TAB2: variants seen among roughly 807,000 people sequenced by gnomAD.
The protein encoded by TAB2 is TGF-beta activated kinase 1 (MAP3K7) binding protein 2, also known as TGF-beta-activated kinase 1 and MAP3K7-binding protein 2.
Under a neutral mutation model 65.0 loss-of-function variants are expected in TAB2, and 3 were observed. The observed-to-expected ratio is 0.05, with a 90% CI of 0.02 to 0.12. The LOEUF is 0.12. Among genes scored for constraint, TAB2 ranks in the 10% least tolerant of loss-of-function variants. The pLI, the probability that TAB2 is intolerant of heterozygous loss-of-function variation, is 1.00. For synonymous variants in TAB2, 298 were observed against 285.1 expected (o/e 1.05, Z -0.46); for missense variants, 623 against 840.3 (o/e 0.74, Z 3.20).
intron 1 of TAB2, among the ~76,000 whole-genome samples, chr6:149,326,747 C>T (rs2114741923): frequency 6.6e-6 from 1 of 152,200 alleles, no homozygotes; most frequent in African/African-American, 2.4e-5. Flanking sequence ...AGGGTTTCAC[C>T]ATGTTGGCCA....
At chr6:149,328,838 A>G (rs1255829809) in intron 1 of TAB2, among the ~76,000 whole-genome samples, 1 of 152,198 alleles carries the variant, frequency 6.6e-6, no homozygotes, top group Non-Finnish European at 1.5e-5. Flanking sequence ...AGTATCTCCT[A>G]TTCAGTAAGG....
Position 149,235,152 on chromosome 6 carries a change from G to C in TAB2, c.-121+16376G>C, listed in dbSNP as rs189547014. ...ATAAAAGCTAAGGCAAGTTCTGTTT[G>C]CATTCATATAAATACAACATTCAAG... On this transcript the variant is annotated intron_variant, in intron 1 of 1. Transcript: ENST00000606202. Among the ~76,000 whole-genome samples the C allele has an allele frequency of 1.3e-3, 194 of 152,296 alleles. 1 individual carries two copies. Among genetic ancestry groups the C allele is most frequent in the Non-Finnish European group, 7.3e-5 (5 of 68,028 alleles).
At chr6:149,251,682 A>G (rs1046684606) in intron 1 of TAB2, among the ~76,000 whole-genome samples, 1 of 152,202 alleles carries the variant, frequency 6.6e-6, no homozygotes, top group Admixed American at 6.5e-5. Context: ...GTCTCCCCAC[A>G]GGAACCTCTG....
At chr6:149,368,920 A>G (rs1320175236) in intron 1 of TAB2, among the ~76,000 whole-genome samples, 2 of 152,178 alleles carry the variant, frequency 1.3e-5, no homozygotes, top group African/African-American at 4.8e-5. Context: ...CTTATGCTGA[A>G]GACTGTTTAT....
intron 1 of TAB2, among the ~76,000 whole-genome samples, chr6:149,318,322 G>T (rs1262867557): frequency 6.6e-6 from 1 of 151,788 alleles, no homozygotes; most frequent in Non-Finnish European, 1.5e-5. Flanking sequence ...GGAGAGCCCC[G>T]GGTGGGGGAG....
At chr6:149,245,447 T>C (rs1031870587) in intron 1 of TAB2, 30 of 152,254 alleles carry the variant, frequency 2.0e-4, no homozygotes, top group African/African-American at 6.0e-4. Flanking sequence ...GAATAGGATG[T>C]AAAATTACCA....
In TAB2 at chr6:149,403,351, C is replaced by CATATATAT. The variant is rs1562456651; in HGVS notation, c.1939+4168_1939+4169insTATATATA. Among the ~76,000 whole-genome samples the CATATATAT allele has an allele frequency of 4.3e-3, 557 of 130,154 alleles. 12 individuals are homozygous for CATATATAT. Among genetic ancestry groups the CATATATAT allele is most frequent in the African/African-American group, 0.018 (528 of 28,572 alleles). 85.4% of individuals were successfully genotyped at this position (130,154 alleles called of 152,430 possible). A position where few individuals can be genotyped will look rare whatever the true frequency, so the allele number is the denominator to read the frequency against. On this transcript the variant is annotated intron_variant, in intron 6 of 6. Coordinates refer to ENST00000637181, the MANE Select transcript of TAB2 (RefSeq NM_001292034.3). ...ATATACATATATATACACACACACA[C>CATATATAT]ACACACACACACACACACACACATA...
intron 1 of TAB2, among the ~76,000 whole-genome samples, chr6:149,328,176 A>C (rs1277067529): frequency 6.6e-6 from 1 of 152,230 alleles, no homozygotes; most frequent in African/African-American, 2.4e-5. Flanking sequence ...ACATGATCGA[A>C]AGAACAGAAA....
intron 1 of TAB2, among the ~76,000 whole-genome samples, chr6:149,232,534 T>G (rs1388893468): frequency 6.6e-6 from 1 of 152,076 alleles, no homozygotes; most frequent in East Asian, 1.9e-4. Flanking sequence ...GCCCAGGAGC[T>G]TGATATATTA....
At chr6:149,229,269 C>T (rs1307192696) in intron 1 of TAB2, among the ~76,000 whole-genome samples, 1 of 152,106 alleles carries the variant, frequency 6.6e-6, no homozygotes, top group African/African-American at 2.4e-5. Context: ...GTGTCAGTAA[C>T]TAAACACAAG....
chr6:149,228,931 C>T (rs1777341962), intron 1 of TAB2, among the ~76,000 whole-genome samples: 1 of 152,194 alleles, frequency 6.6e-6, no homozygotes. Flanking sequence ...AGAATCCACA[C>T]AGATGCTGAA....
intron 1 of TAB2, among the ~76,000 whole-genome samples, chr6:149,290,291 GCTCATCC>G (rs953680243): frequency 1.3e-5 from 2 of 152,088 alleles, no homozygotes; most frequent in Non-Finnish European, 2.9e-5. Flanking sequence ...GGAACCCATG[GCTCATCC>G]CTCGCTCTTG....
chr6:149,401,472 TGTAATG>T (rs1179676855), intron 6 of TAB2, among the ~76,000 whole-genome samples: 1 of 152,076 alleles, frequency 6.6e-6, no homozygotes, highest in Non-Finnish European at 1.5e-5. Context: ...AAGATTATTA[TGTAATG>T]GTAAAAGGAT....
At position 149,384,643 on chromosome 6, in the gene TAB2, T is replaced by C. The variant is rs745322089; in HGVS notation, c.1603+5125T>C. Reference sequence around the variant, plus strand: ...CTTACTGGTAGTCAGTGGTCAGATATAGCTACATTTTCCCCTTAAGTCATA... The same window carrying C: ...CTTACTGGTAGTCAGTGGTCAGATACAGCTACATTTTCCCCTTAAGTCATA... On this transcript the variant is annotated intron_variant, in intron 3 of 6. Transcript: ENST00000637181. 2.0e-5 allele frequency among the ~76,000 whole-genome samples: 3 copies of C among 152,336 alleles called. No homozygotes were observed. The East Asian group carries it at 5.8e-4, about 29-fold the overall frequency.
chr6:149,404,824 A>G (rs1782608762), intron 6 of TAB2, among the ~76,000 whole-genome samples: 1 of 152,190 alleles, frequency 6.6e-6, no homozygotes, highest in East Asian at 1.9e-4. Context: ...AGAAGAAAAC[A>G]TAGGTGAAAA....
chr6:149,392,288 G>A lies in TAB2; in HGVS notation c.1604-5316G>A, dbSNP rs557074813. On this transcript the variant is annotated intron_variant, in intron 3 of 6. Coordinates refer to ENST00000637181, the MANE Select transcript of TAB2 (RefSeq NM_001292034.3). ...TCTGAGTAGCTGAGATTACAGGCAC[G>A]CGCCACTACCACCTGGCTGATTTTT... 2.3e-4 allele frequency among the ~76,000 whole-genome samples: 35 copies of A among 152,058 alleles called. No homozygotes were observed. The East Asian group carries it at 5.2e-3, about 23-fold the overall frequency.
intron 1 of TAB2, among the ~76,000 whole-genome samples, chr6:149,367,504 G>T (rs764388572): frequency 2.6e-5 from 4 of 152,130 alleles, no homozygotes; most frequent in Non-Finnish European, 5.9e-5. Flanking sequence ...GTGGTAGATA[G>T]CCAGGGGCTT....
intron 1 of TAB2, among the ~76,000 whole-genome samples, chr6:149,249,720 G>A (rs1005871037): frequency 6.6e-6 from 1 of 151,906 alleles, no homozygotes; most frequent in African/African-American, 2.4e-5. Flanking sequence ...TCAGGCTCCC[G>A]CTTTCCTGTG....
At chr6:149,258,018 A>G (rs1380809137) in intron 1 of TAB2, among the ~76,000 whole-genome samples, 1 of 152,216 alleles carries the variant, frequency 6.6e-6, no homozygotes, top group Non-Finnish European at 1.5e-5. Context: ...CCACGCTACT[A>G]TAGCAACTAG....
Sources: allele counts gnomAD v4.1 joint callset (sites outside exome capture counted in the v4.1 genomes callset), GRCh38; gene constraint gnomAD v4.1.1; transcripts MANE v1.5; gene names NCBI Gene and HGNC (gene_info 2026-07-23, HGNC 2026-07-21).